SYT16: variants seen among roughly 807,000 people sequenced by gnomAD.
SYT16 encodes synaptotagmin-16.
A neutral mutation model predicts 61.4 loss-of-function variants in SYT16; 42 were observed. The ratio of observed to expected loss-of-function variants is 0.68; its 90% CI spans 0.53 to 0.89. The LOEUF (loss-of-function observed/expected upper bound fraction) is 0.89. Ranked by LOEUF, SYT16 falls within the 40% of genes least tolerant of loss-of-function variation. The pLI, the probability that SYT16 is intolerant of heterozygous loss-of-function variation, is 0.00. For synonymous variants in SYT16, 314 were observed against 302.3 expected, an observed-to-expected ratio of 1.04 and a Z score of -0.40; for missense variants, 804 against 807.3, an observed-to-expected ratio of 1.00 and a Z score of 0.05.
At chr14:61,917,374 A>T (rs1401908474) in intron 1 of SYT16, among the ~76,000 whole-genome samples, 3 of 152,138 alleles carry the variant, frequency 2.0e-5, no homozygotes, top group South Asian at 4.1e-4. Context: ...GGCCACAGGG[A>T]TTGACTGGTT....
intron 1 of SYT16, among the ~76,000 whole-genome samples, chr14:61,835,250 A>ATT (rs11378872): frequency 0.039 from 4,357 of 110,594 alleles, 178 homozygotes; most frequent in East Asian, 0.093. Flanking sequence ...TGAAAGGTGA[A>ATT]TTTTTTTTTT....
chr14:61,820,754 CT>C, intron 1 of SYT16, among the ~76,000 whole-genome samples: 1 of 152,044 alleles, frequency 6.6e-6, no homozygotes, highest in Non-Finnish European at 1.5e-5. Context: ...GTTGAATGCC[CT>C]CCTGGCTCTG....
intron 2 of SYT16, among the ~76,000 whole-genome samples, chr14:61,975,531 A>G (rs2051752244): frequency 6.6e-6 from 1 of 152,200 alleles, no homozygotes; most frequent in Non-Finnish European, 1.5e-5. Context: ...AGCCTTCTTC[A>G]CAAGGCAGCT....
chr14:62,044,438 T>C (rs554100261), intron 3 of SYT16, among the ~76,000 whole-genome samples: 2 of 152,188 alleles, frequency 1.3e-5, no homozygotes, highest in African/African-American at 4.8e-5. Context: ...TGTCCTAATG[T>C]TCTCCCTCCC....
At chr14:61,955,269 C>G (rs2050827560) in intron 1 of SYT16, among the ~76,000 whole-genome samples, 1 of 152,070 alleles carries the variant, frequency 6.6e-6, no homozygotes, top group African/African-American at 2.4e-5. Context: ...TACTGTCCCT[C>G]CCCACTATTT....
chr14:61,928,704 C>T (rs1013400409), intron 1 of SYT16, among the ~76,000 whole-genome samples: 11 of 152,116 alleles, frequency 7.2e-5, no homozygotes, highest in African/African-American at 2.2e-4. Context: ...CTGTAGATAT[C>T]GGCTACTCTT....
intron 1 of SYT16, among the ~76,000 whole-genome samples, chr14:61,845,713 C>T (rs1209589812): frequency 6.6e-6 from 1 of 152,022 alleles, no homozygotes; most frequent in Non-Finnish European, 1.5e-5. Flanking sequence ...TTCTTTTCTT[C>T]TACTAATTTT....
chr14:61,915,663 T>A (rs1304488374), intron 1 of SYT16, among the ~76,000 whole-genome samples: 3 of 152,174 alleles, frequency 2.0e-5, no homozygotes, highest in South Asian at 2.1e-4. Context: ...TTGAACAGAT[T>A]TCTACTCTAA....
At chr14:61,999,523 G>A (rs542873071) in intron 3 of SYT16, among the ~76,000 whole-genome samples, 7 of 151,558 alleles carry the variant, frequency 4.6e-5, no homozygotes, top group African/African-American at 1.7e-4. Flanking sequence ...AGGATTATTT[G>A]TCTATCCACC....
At chr14:62,097,807 A>G (rs1670118750) in intron 7 of SYT16, among the ~76,000 whole-genome samples, 2 of 152,220 alleles carry the variant, frequency 1.3e-5, no homozygotes, top group South Asian at 4.1e-4. Flanking sequence ...TTGTGAAATG[A>G]GCATGCTTTT....
At chr14:61,982,106 A>G (rs2052104075) in intron 2 of SYT16, among the ~76,000 whole-genome samples, 1 of 152,148 alleles carries the variant, frequency 6.6e-6, no homozygotes, top group Non-Finnish European at 1.5e-5. Context: ...TCTTATTTTT[A>G]GTAGAAGCTC....
At chr14:61,872,109 A>G (rs1469347553) in intron 1 of SYT16, among the ~76,000 whole-genome samples, 1 of 152,180 alleles carries the variant, frequency 6.6e-6, no homozygotes, top group African/African-American at 2.4e-5. Flanking sequence ...GCAGCTTCAT[A>G]CCTTGATTTT....
intron 3 of SYT16, among the ~76,000 whole-genome samples, chr14:62,032,797 A>G (rs2054358962): frequency 6.6e-6 from 1 of 151,882 alleles, no homozygotes; most frequent in Non-Finnish European, 1.5e-5. Flanking sequence ...TTGTTTCAGG[A>G]CTAAAATATT....
intron 3 of SYT16, among the ~76,000 whole-genome samples, chr14:62,018,298 C>CT (rs776473522): frequency 0.086 from 4,472 of 51,812 alleles, 964 homozygotes; most frequent in African/African-American, 0.15. Context: ...TCTTCTTCTT[C>CT]TTTTTTTTTT....
chr14:62,077,159 T>C (rs956396013), intron 5 of SYT16, among the ~76,000 whole-genome samples: 2 of 152,226 alleles, frequency 1.3e-5, no homozygotes, highest in Non-Finnish European at 2.9e-5. Flanking sequence ...CAGGAACATA[T>C]TGTAGGCCTG....
chr14:61,993,791 T>C (rs547483903), intron 2 of SYT16, among the ~76,000 whole-genome samples: 2 of 152,324 alleles, frequency 1.3e-5, no homozygotes, highest in East Asian at 1.9e-4. Flanking sequence ...AATTTATCCA[T>C]CAACTTAACC....
chr14:62,091,652 T>G (rs527712753), intron 7 of SYT16, among the ~76,000 whole-genome samples: 43 of 152,278 alleles, frequency 2.8e-4, no homozygotes, highest in Middle Eastern at 3.4e-3. Context: ...GATCTCAACC[T>G]GCAAAAGCAT....
At chr14:61,814,676 T>C (rs572269479) in intron 1 of SYT16, among the ~76,000 whole-genome samples, 1 of 152,226 alleles carries the variant, frequency 6.6e-6, no homozygotes, top group Non-Finnish European at 1.5e-5. Flanking sequence ...TTTTTTAGGC[T>C]CAATCTTATG....
chr14:61,854,093 C>A, intron 1 of SYT16, among the ~76,000 whole-genome samples: 1 of 152,106 alleles, frequency 6.6e-6, no homozygotes, highest in African/African-American at 2.4e-5. Context: ...CACACCCCCA[C>A]CCCAATATGT....
Sources: gnomAD v4.1 joint callset for allele counts (sites outside exome capture counted in the v4.1 genomes callset) on GRCh38, gnomAD v4.1.1 for gene constraint, MANE v1.5 for transcripts, NCBI Gene and HGNC (gene_info 2026-07-23, HGNC 2026-07-21) for gene names.